The following DOCK3 variants were observed in gnomAD, a reference collection of about 807,000 sequenced individuals.
DOCK3 encodes the protein dedicator of cytokinesis protein 3.
Under a neutral mutation model 265.6 loss-of-function variants are expected in DOCK3, and 60 were observed. The observed-to-expected ratio is 0.23, with a 90% CI of 0.18 to 0.28. The LOEUF is 0.28. Ranked by LOEUF, DOCK3 falls within the 10% of genes least tolerant of loss-of-function variation. DOCK3 has a pLI of 1.00. For synonymous variants in DOCK3, 881 were observed against 938.0 expected, an observed-to-expected ratio of 0.94 and a Z score of 1.11; for missense variants, 1,981 against 2,594.3, an observed-to-expected ratio of 0.76 and a Z score of 5.14.
intron 7 of DOCK3, among the ~76,000 whole-genome samples, chr3:51,080,426 G>A (rs932190269): frequency 7.9e-5 from 12 of 152,142 alleles, no homozygotes; most frequent in East Asian, 3.9e-4. Context: ...CTAGAGTTAC[G>A]TAGCAAACAT....
chr3:51,375,032 A>G (rs890916642), intron 50 of DOCK3, among the ~76,000 whole-genome samples: 2 of 152,166 alleles, frequency 1.3e-5, no homozygotes, highest in Non-Finnish European at 2.9e-5. Flanking sequence ...GAAGTCCCTC[A>G]CTACCTGCTG....
At chr3:50,938,168 G>A (rs1575575067) in intron 5 of DOCK3, among the ~76,000 whole-genome samples, 1 of 151,806 alleles carries the variant, frequency 6.6e-6, no homozygotes, top group South Asian at 2.1e-4. Flanking sequence ...CAATATCAGA[G>A]CAAAGAAAAC....
At chr3:50,716,573 A>G (rs1965263) in intron 1 of DOCK3, among the ~76,000 whole-genome samples, 136,659 of 150,790 alleles carry the variant, frequency 0.91, 62,073 homozygotes, top group African/African-American at 0.95. Context: ...AAAAAAAATT[A>G]TATATATATA....
At chr3:51,207,537 A>T (rs1252714488) in intron 12 of DOCK3, among the ~76,000 whole-genome samples, 1 of 152,172 alleles carries the variant, frequency 6.6e-6, no homozygotes, top group African/African-American at 2.4e-5. Context: ...ACCATTCATC[A>T]CAACAGCTCT....
At chr3:50,891,639 A>C (rs1326124229) in intron 4 of DOCK3, among the ~76,000 whole-genome samples, 1 of 140,726 alleles carries the variant, frequency 7.1e-6, no homozygotes, top group Non-Finnish European at 1.5e-5. Flanking sequence ...CTGAATGTGA[A>C]TGGCTTATTA....
intron 1 of DOCK3, among the ~76,000 whole-genome samples, chr3:50,682,084 C>T (rs1159532590): frequency 1.3e-5 from 2 of 152,318 alleles, no homozygotes; most frequent in Middle Eastern, 3.4e-3. Flanking sequence ...CATAGCTCTT[C>T]AGTAAGTCAT....
intron 9 of DOCK3, among the ~76,000 whole-genome samples, chr3:51,144,572 G>T (rs1325917142): frequency 6.6e-6 from 1 of 152,054 alleles, no homozygotes; most frequent in Non-Finnish European, 1.5e-5. Flanking sequence ...TCTGACCAAA[G>T]CCCCTTTTCT....
chr3:50,880,743 C>A (rs931877457), intron 3 of DOCK3, among the ~76,000 whole-genome samples: 2 of 152,058 alleles, frequency 1.3e-5, no homozygotes, highest in Non-Finnish European at 2.9e-5. Flanking sequence ...TTCCAATCAA[C>A]GGAAAAAGTG....
intron 27 of DOCK3, among the ~76,000 whole-genome samples, chr3:51,297,214 C>T (rs1306137009): frequency 6.6e-6 from 1 of 151,010 alleles, no homozygotes; most frequent in Non-Finnish European, 1.5e-5. Flanking sequence ...GGATTTTAGA[C>T]CTAAATGTAA....
At chr3:51,162,730 G>A (rs948724543) in intron 12 of DOCK3, among the ~76,000 whole-genome samples, 8 of 152,120 alleles carry the variant, frequency 5.3e-5, no homozygotes, top group African/African-American at 1.9e-4. Context: ...CATGCTGTCA[G>A]GCTTAATTGG....
chr3:51,076,536 G>A (rs1034816652), intron 7 of DOCK3, among the ~76,000 whole-genome samples: 3 of 152,202 alleles, frequency 2.0e-5, no homozygotes, highest in African/African-American at 4.8e-5. Flanking sequence ...AAGATCAGGT[G>A]AAATTTTCTC....
At chr3:51,046,821 A>G (rs901748223) in intron 5 of DOCK3, among the ~76,000 whole-genome samples, 11 of 152,192 alleles carry the variant, frequency 7.2e-5, no homozygotes, top group Non-Finnish European at 1.3e-4. Flanking sequence ...CTAGATCACA[A>G]AATAAGTCTT....
rs1257385418 is a variant in DOCK3, at chr3:51,213,667, A to G, written c.1127-455A>G. Among the ~76,000 whole-genome samples, 6 of 152,316 alleles carry G rather than the reference A, an allele frequency of 3.9e-5. No individual in the cohort carries two copies. The East Asian group carries it at 7.7e-4, about 20-fold the overall frequency. On this transcript the variant is annotated intron_variant, in intron 13 of 52. Coordinates refer to ENST00000266037, the MANE Select transcript of DOCK3 (RefSeq NM_004947.5). ...ACTTCCCACACTTTGGCATACTCCT[A>G]GCATAAAACACAGCACATCTTAGCT... is the stretch of plus-strand genomic sequence containing the variant.
intron 5 of DOCK3, among the ~76,000 whole-genome samples, chr3:50,955,697 G>A (rs1461589701): frequency 6.6e-6 from 1 of 152,156 alleles, no homozygotes; most frequent in Non-Finnish European, 1.5e-5. Flanking sequence ...AAGAGTGGGA[G>A]GAAGGAGAGG....
intron 5 of DOCK3, among the ~76,000 whole-genome samples, chr3:50,980,385 C>G (rs1294268403): frequency 6.6e-6 from 1 of 152,078 alleles, no homozygotes; most frequent in Non-Finnish European, 1.5e-5. Flanking sequence ...ATTTTTGTGT[C>G]TGTGATCATC....
At chr3:50,860,902 C>G (rs967029745) in intron 3 of DOCK3, among the ~76,000 whole-genome samples, 1 of 152,228 alleles carries the variant, frequency 6.6e-6, no homozygotes, top group African/African-American at 2.4e-5. Context: ...GGGGTACATA[C>G]AGCAGTCTAA....
At chr3:50,918,566 A>C (rs1448381549) in intron 4 of DOCK3, among the ~76,000 whole-genome samples, 1 of 151,972 alleles carries the variant, frequency 6.6e-6, no homozygotes, top group Non-Finnish European at 1.5e-5. Flanking sequence ...TTCTTTTGAG[A>C]AGTGTCTGTT....
chr3:51,320,846 C>CTG (rs1454774810), intron 32 of DOCK3, among the ~76,000 whole-genome samples: 3 of 151,494 alleles, frequency 2.0e-5, no homozygotes, highest in Admixed American at 6.6e-5. Flanking sequence ...ATAGATAAAA[C>CTG]CCCCATCTCC....
chr3:51,227,176 AG>A, intron 15 of DOCK3, 106 bp from the exon 16 acceptor site: 2 of 1,326,824 alleles, frequency 1.5e-6, no homozygotes, highest in East Asian at 4.6e-5. Context: ...TTTTGCTTAG[AG>A]CAAAAATGAG....
Sources: allele counts gnomAD v4.1 joint callset (sites outside exome capture counted in the v4.1 genomes callset), GRCh38; gene constraint gnomAD v4.1.1; transcripts MANE v1.5; gene names NCBI Gene and HGNC (gene_info 2026-07-23, HGNC 2026-07-21).